The following NCKAP5 variants were observed in gnomAD, a reference collection of about 807,000 sequenced individuals.
NCKAP5 encodes the protein nck-associated protein 5.
NCKAP5 carries 92 observed loss-of-function variants against 167.0 expected under a neutral mutation model. That is an observed-to-expected ratio of 0.55 (90% CI 0.47 to 0.66). The LOEUF (loss-of-function observed/expected upper bound fraction) is 0.66. Ranked by LOEUF, NCKAP5 falls within the 30% of genes least tolerant of loss-of-function variation. The probability of loss-of-function intolerance (pLI) is 0.00; values close to 1 mark genes in which losing one functional copy is unlikely to be tolerated. For missense variants in NCKAP5, 2,378 were observed against 2,315.0 expected (o/e 1.03, Z -0.56); for synonymous variants, 891 against 877.4 (o/e 1.02, Z -0.27).
intron 4 of NCKAP5, among the ~76,000 whole-genome samples, chr2:133,276,239 A>T (rs1165508934): frequency 6.6e-6 from 1 of 152,174 alleles, no homozygotes; most frequent in Non-Finnish European, 1.5e-5. Context: ...ATGTGTTAAT[A>T]GAATCTTTAT....
chr2:133,196,729 C>T (rs1309487900), intron 5 of NCKAP5, among the ~76,000 whole-genome samples: 4 of 152,124 alleles, frequency 2.6e-5, no homozygotes, highest in African/African-American at 9.7e-5. Context: ...CAGATGTGGA[C>T]AGAATAAGCT....
At chr2:132,877,886 TG>T (rs1392921750) in intron 9 of NCKAP5, among the ~76,000 whole-genome samples, 12 of 152,244 alleles carry the variant, frequency 7.9e-5, no homozygotes, top group African/African-American at 2.4e-4. Context: ...GGAAAGGTAC[TG>T]GAACCAGACG....
chr2:133,045,950 A>G (rs938709320), intron 6 of NCKAP5, among the ~76,000 whole-genome samples: 1 of 152,220 alleles, frequency 6.6e-6, no homozygotes, highest in African/African-American at 2.4e-5. Context: ...AGTTGATTTG[A>G]TAAGCACGTG....
In NCKAP5 at chr2:133,345,864, G is replaced by T. The variant is rs186912069; in HGVS notation, c.70-42754C>A. Among the ~76,000 whole-genome samples, 237 of 152,194 alleles carry T rather than the reference G, an allele frequency of 1.6e-3. 1 individual carries two copies. The highest frequency in any genetic ancestry group is 4.9e-3 in the African/African-American group (202 of 41,518). Reference sequence around the variant, plus strand: ...GTTGGGAAATTCCTAGGAGGTTTGGGGTATGAGGTATGATAGCAGGCACAG... The same window carrying T: ...GTTGGGAAATTCCTAGGAGGTTTGGTGTATGAGGTATGATAGCAGGCACAG... On this transcript the variant is annotated intron_variant, in intron 3 of 19. Coordinates refer to ENST00000409261, the MANE Select transcript of NCKAP5 (RefSeq NM_207363.3).
At chr2:133,114,519 G>A (rs1449176557) in intron 6 of NCKAP5, among the ~76,000 whole-genome samples, 4 of 152,100 alleles carry the variant, frequency 2.6e-5, no homozygotes, top group Admixed American at 2.6e-4. Context: ...CTAAAAACAT[G>A]AACTATATCA....
chr2:132,935,391 C>G (rs1696761943), intron 8 of NCKAP5, among the ~76,000 whole-genome samples: 1 of 152,186 alleles, frequency 6.6e-6, no homozygotes, highest in South Asian at 2.1e-4. Flanking sequence ...GTTTTTGTTA[C>G]CGGCAGCCAG....
chr2:133,440,256 T>C lies in NCKAP5; in HGVS notation c.69+77202A>G, dbSNP rs145551407. Among the ~76,000 whole-genome samples, 8 of 152,336 alleles carry C rather than the reference T, an allele frequency of 5.3e-5. No homozygotes were observed. In the East Asian group the frequency reaches 1.4e-3, roughly 26 times the overall value. On this transcript the variant is annotated intron_variant, in intron 3 of 19. Transcript: ENST00000409261. Reference sequence around the variant, plus strand: ...TATCCTAGCTCTGACCCTTGACATCTGTGGGAGCCTGAGTACGTTTCCACA... The same window carrying C: ...TATCCTAGCTCTGACCCTTGACATCCGTGGGAGCCTGAGTACGTTTCCACA...
intron 6 of NCKAP5, among the ~76,000 whole-genome samples, chr2:133,071,648 C>A (rs1020304862): frequency 5.3e-5 from 8 of 152,182 alleles, no homozygotes; most frequent in East Asian, 3.8e-4. Flanking sequence ...TGCAGGTTCT[C>A]CTATTCTTTC....
the NCKAP5 span, among the ~76,000 whole-genome samples, chr2:133,589,323 C>T: frequency 6.6e-6 from 1 of 152,162 alleles, no homozygotes; most frequent in East Asian, 1.9e-4. Flanking sequence ...GGCAAGAATA[C>T]ATCTGAGGTT....
chr2:133,356,758 C>A (rs1474433056), intron 3 of NCKAP5, among the ~76,000 whole-genome samples: 1 of 152,082 alleles, frequency 6.6e-6, no homozygotes, highest in African/African-American at 2.4e-5. Flanking sequence ...TTGAGAAATA[C>A]CTAAAATTTT....
At chr2:132,990,484 C>T (rs1254136951) in intron 7 of NCKAP5, among the ~76,000 whole-genome samples, 1 of 152,202 alleles carries the variant, frequency 6.6e-6, no homozygotes, top group Non-Finnish European at 1.5e-5. Context: ...AACATGTTCA[C>T]TTCCCAGTCC....
the NCKAP5 span, among the ~76,000 whole-genome samples, chr2:133,583,593 T>C: frequency 1.3e-5 from 2 of 152,160 alleles, no homozygotes; most frequent in African/African-American, 4.8e-5. Context: ...TTCTCTATCA[T>C]GGAGTTTGTA....
chr2:133,326,172 A>G (rs1682424192), intron 3 of NCKAP5, among the ~76,000 whole-genome samples: 1 of 152,084 alleles, frequency 6.6e-6, no homozygotes, highest in African/African-American at 2.4e-5. Flanking sequence ...GAAAAACTAT[A>G]AGGCCGGGCA....
chr2:133,249,928 A>C (rs1429333439), intron 4 of NCKAP5, among the ~76,000 whole-genome samples: 1 of 151,910 alleles, frequency 6.6e-6, no homozygotes, highest in African/African-American at 2.4e-5. Flanking sequence ...GTGCTTCTGA[A>C]GCAACGTAAA....
chr2:132,904,149 A>G (rs917406030), intron 8 of NCKAP5, among the ~76,000 whole-genome samples: 11 of 151,888 alleles, frequency 7.2e-5, no homozygotes, highest in Non-Finnish European at 1.5e-5. Flanking sequence ...TTAGCCAGGC[A>G]TGGTGGCGAG....
chr2:132,773,897 G>T lies in NCKAP5; in HGVS notation c.5050-3C>A. 1 of 1,606,620 alleles carries T rather than the reference G, an allele frequency of 6.2e-7. No homozygotes were observed. The highest frequency in any genetic ancestry group is 8.5e-7 in the Non-Finnish European group (1 of 1,177,348). ...AAGTTTTCATTTGCCTCTTTTACCTGCAGGAAGAAGAAAATGATGCAAGTT... is the reference window on the plus strand; with the variant it reads ...AAGTTTTCATTTGCCTCTTTTACCTTCAGGAAGAAGAAAATGATGCAAGTT... On this transcript the variant is annotated splice_polypyrimidine_tract_variant and splice_region_variant and intron_variant, in intron 15 of 19. Transcript: ENST00000409261.
At position 132,797,070 on chromosome 2, in the gene NCKAP5, T is replaced by G. The variant is rs139935833; in HGVS notation, c.808-341A>C. 2.1e-3 allele frequency among the ~76,000 whole-genome samples: 321 copies of G among 152,354 alleles called. 2 individuals are homozygous for G. The highest frequency in any genetic ancestry group is 7.3e-3 in the African/African-American group (302 of 41,592). On this transcript the variant is annotated intron_variant, in intron 11 of 19. Transcript: ENST00000409261. ...ATTGGGTAGTATGAAAATTAACATT[T>G]GATATTCACATTAAGAAAACCAATC... is the stretch of plus-strand genomic sequence containing the variant.
chr2:132,878,915 G>C lies in NCKAP5; in HGVS notation c.581C>G (p.Ala194Gly), dbSNP rs767637074. ...LLLERLKALE[A>G]ENSALALENE... ...CTCCAAAGCCAACGCTGAATTCTCT[G>C]CCTGCAGTAAGATACAAAAATAACA... is the stretch of plus-strand genomic sequence containing the variant. The change falls in exon 9 of 20, where the codon GCA (alanine) becomes GGA (glycine). Residue 194 changes from alanine to glycine, a missense_variant and splice_region_variant. Around this residue, in one of 3 missense-constraint regions of NCKAP5, gnomAD observed 1,049 missense variants for 1,023.4 expected, o/e 1.02. Coordinates refer to ENST00000409261, the MANE Select transcript of NCKAP5 (RefSeq NM_207363.3). 1 of 1,611,666 alleles carries C rather than the reference G, an allele frequency of 6.2e-7. No individual in the cohort carries two copies. Among genetic ancestry groups the C allele is most frequent in the Non-Finnish European group, 8.5e-7 (1 of 1,177,830 alleles).
In NCKAP5 at chr2:132,773,988, A is replaced by G. The variant is rs551947855; in HGVS notation, c.5050-94T>C. ...AGTAATGGTACATTCTATAACAAAT[A>G]TGTGGGCATAGGTGTGAGTGTTTGC... On this transcript the variant is annotated intron_variant, in intron 15 of 19. Coordinates refer to ENST00000409261, the MANE Select transcript of NCKAP5 (RefSeq NM_207363.3). 32 of 1,004,796 alleles carry G rather than the reference A, an allele frequency of 3.2e-5. 1 individual carries two copies. Among genetic ancestry groups the G allele is most frequent in the African/African-American group, 1.6e-4 (10 of 62,382 alleles). 62.2% of individuals were successfully genotyped at this position (1,004,796 alleles called of 1,614,324 possible).
Sources: gnomAD v4.1 joint callset for allele counts (sites outside exome capture counted in the v4.1 genomes callset) on GRCh38, gnomAD v4.1.1 for gene constraint, gnomAD v4.1.1 regional missense constraint, MANE v1.5 for transcripts, NCBI Gene and HGNC (gene_info 2026-07-23, HGNC 2026-07-21) for gene names.